ADRA1A: variants seen among roughly 807,000 people sequenced by gnomAD.
ADRA1A encodes alpha-1A adrenergic receptor.
In ADRA1A, 31 loss-of-function variants were observed where a neutral mutation model predicts 29.6. The observed-to-expected ratio is 1.05, with a 90% CI of 0.79 to 1.41. The LOEUF is 1.41. Ranked by LOEUF, ADRA1A falls within the 40% of genes most tolerant of loss-of-function variation. The pLI, the probability that ADRA1A is intolerant of heterozygous loss-of-function variation, is 0.00. For missense variants in ADRA1A, 619 were observed against 601.1 expected, an observed-to-expected ratio of 1.03 and a Z score of -0.31; for synonymous variants, 311 against 254.3, an observed-to-expected ratio of 1.22 and a Z score of -2.12.
intron 2 of ADRA1A, among the ~76,000 whole-genome samples, chr8:26,820,708 T>C (rs910035305): frequency 6.6e-6 from 1 of 152,206 alleles, no homozygotes; most frequent in Non-Finnish European, 1.5e-5. Flanking sequence ...TTAGACAGAA[T>C]CGGCTTGATG....
intron 2 of ADRA1A, among the ~76,000 whole-genome samples, chr8:26,749,961 G>A (rs1330914410): frequency 1.3e-5 from 2 of 152,168 alleles, no homozygotes; most frequent in South Asian, 2.1e-4. Context: ...AGAGGCACAT[G>A]AGCATTGAAA....
chr8:26,838,783 T>C (rs1002580702), intron 2 of ADRA1A, among the ~76,000 whole-genome samples: 1 of 152,232 alleles, frequency 6.6e-6, no homozygotes, highest in African/African-American at 2.4e-5. Context: ...TTCTGTAGCT[T>C]TGGCCTTAGA....
rs1401019274 is a variant in ADRA1A, at chr8:26,805,203, C to T, written c.884-34537G>A. ...AGAATGGGGCTCTCACCTCTGCCTA[C>T]CTGGCTCTTCACGTGAAGTCGCCTT... On this transcript the variant is annotated intron_variant, in intron 2 of 2. Coordinates refer to ENST00000380573, the MANE Select transcript of ADRA1A (RefSeq NM_000680.4). This position sits in a 1 kb window ranked among gnomAD's most constrained non-coding sequence, Gnocchi z 4.8. Among the ~76,000 whole-genome samples, 1 of 152,226 alleles carries T rather than the reference C, an allele frequency of 6.6e-6. No individual in the cohort carries two copies. The highest frequency in any genetic ancestry group is 2.4e-5 in the African/African-American group (1 of 41,460).
intron 2 of ADRA1A, among the ~76,000 whole-genome samples, chr8:26,784,120 G>A (rs1585681668): frequency 6.6e-6 from 1 of 152,260 alleles, no homozygotes; most frequent in East Asian, 1.9e-4. Flanking sequence ...AACCACCATG[G>A]CACAAGTTTA....
At chr8:26,764,843 G>T (rs530179041), downstream of ADRA1A, among the ~76,000 whole-genome samples, 1 of 152,178 alleles carries the variant, frequency 6.6e-6, no homozygotes, top group African/African-American at 2.4e-5. Flanking sequence ...AGCCAGTGCC[G>T]TCATTTTTTT....
intron 2 of ADRA1A, among the ~76,000 whole-genome samples, chr8:26,847,098 T>C (rs1022200271): frequency 4.6e-5 from 7 of 151,962 alleles, no homozygotes; most frequent in African/African-American, 1.5e-4. Context: ...AGGGATAGCA[T>C]TGGGAGATAT....
At chr8:26,857,174 G>T (rs912889141) in intron 2 of ADRA1A, among the ~76,000 whole-genome samples, 1 of 152,140 alleles carries the variant, frequency 6.6e-6, no homozygotes, top group Non-Finnish European at 1.5e-5. Context: ...GGGGAGAGCT[G>T]CCATGCTATA....
At chr8:26,794,327 A>G (rs1808038029) in intron 2 of ADRA1A, among the ~76,000 whole-genome samples, 2 of 152,040 alleles carry the variant, frequency 1.3e-5, no homozygotes, top group Non-Finnish European at 1.5e-5. Flanking sequence ...GAAAAAGTGA[A>G]ATTTAGGAGG....
intron 2 of ADRA1A, among the ~76,000 whole-genome samples, chr8:26,750,394 G>T (rs1004300693): frequency 6.6e-6 from 1 of 152,038 alleles, no homozygotes; most frequent in African/African-American, 2.4e-5. Context: ...TAGAGACAGG[G>T]TTTCACCATG....
intron 2 of ADRA1A, chr8:26,756,892 T>C: frequency 6.8e-7 from 1 of 1,479,244 alleles, no homozygotes; most frequent in Non-Finnish European, 9.1e-7. Context: ...GAATTCTTAC[T>C]CCAAACCCAA....
In ADRA1A at chr8:26,864,992, G is replaced by A. The variant is rs113731073; in HGVS notation, c.-23C>T. On this transcript the variant is annotated 5_prime_UTR_variant, in exon 2 of 3. Transcript: ENST00000380573. This position sits in a 1 kb window ranked among gnomAD's most constrained non-coding sequence, Gnocchi z 8.1. ...CATGGTCCCAGCCGGGGCCGGGCGAGGTCCGGCTGTCCAGGGCCACCTCCC... is the reference window on the plus strand; with the variant it reads ...CATGGTCCCAGCCGGGGCCGGGCGAAGTCCGGCTGTCCAGGGCCACCTCCC... 8.9e-6 allele frequency: 14 copies of A among 1,571,262 alleles called. No individual in the cohort carries two copies. The African/African-American group carries it at 1.6e-4, about 18-fold the overall frequency.
At chr8:26,862,465 C>G (rs921738184) in intron 2 of ADRA1A, among the ~76,000 whole-genome samples, 2 of 152,144 alleles carry the variant, frequency 1.3e-5, no homozygotes, top group East Asian at 3.8e-4. Context: ...CAAATACAAC[C>G]GTCTCATTGG....
At chr8:26,798,193 G>T (rs1420457537) in intron 2 of ADRA1A, among the ~76,000 whole-genome samples, 2 of 152,154 alleles carry the variant, frequency 1.3e-5, no homozygotes, top group African/African-American at 4.8e-5. Context: ...TGGCAAGGCT[G>T]GTCTTGAACT....
intron 2 of ADRA1A, among the ~76,000 whole-genome samples, chr8:26,852,259 A>G (rs1457562570): frequency 6.6e-6 from 1 of 152,216 alleles, no homozygotes; most frequent in Non-Finnish European, 1.5e-5. Flanking sequence ...CGTAGAAGCA[A>G]ATGTACAGCT....
chr8:26,813,127 T>C lies in ADRA1A; in HGVS notation c.884-42461A>G, dbSNP rs188977441. On this transcript the variant is annotated intron_variant, in intron 2 of 2. Transcript: ENST00000380573. ...CAGGTAATAAAAGACTACACTTGCA[T>C]TAATAGTAAAACATACTAGGGAAAA... Among the ~76,000 whole-genome samples the C allele has an allele frequency of 1.1e-4, 17 of 152,262 alleles. No homozygotes were observed. In the East Asian group the frequency reaches 3.3e-3, roughly 29 times the overall value.
chr8:26,750,245 A>G (rs34280143), intron 2 of ADRA1A, among the ~76,000 whole-genome samples: 87,670 of 151,906 alleles, frequency 0.58, 26,529 homozygotes, highest in Non-Finnish European at 0.68. Context: ...TCTGTTGCCC[A>G]GGCTGGAGTG....
intron 2 of ADRA1A, among the ~76,000 whole-genome samples, chr8:26,845,079 A>G (rs1478747212): frequency 1.3e-5 from 2 of 152,216 alleles, no homozygotes; most frequent in African/African-American, 4.8e-5. Flanking sequence ...AACAAAAGAA[A>G]AAGTAGATAA....
At chr8:26,861,166 C>T (rs975406584) in intron 2 of ADRA1A, among the ~76,000 whole-genome samples, 4 of 152,268 alleles carry the variant, frequency 2.6e-5, no homozygotes, top group Non-Finnish European at 5.9e-5. Context: ...GCTGATTACT[C>T]CTGCCTTCTT....
intron 2 of ADRA1A, among the ~76,000 whole-genome samples, chr8:26,809,308 A>C (rs951247782): frequency 2.0e-5 from 3 of 152,164 alleles, no homozygotes; most frequent in African/African-American, 7.2e-5. Flanking sequence ...CTGTTCAGGT[A>C]CTGAAAAGCC....
Sources: allele counts gnomAD v4.1 joint callset (sites outside exome capture counted in the v4.1 genomes callset), GRCh38; gene constraint gnomAD v4.1.1; non-coding constraint Gnocchi (gnomAD v3.1); transcripts MANE v1.5; gene names NCBI Gene and HGNC (gene_info 2026-07-23, HGNC 2026-07-21).